Variants in WDR70 observed in about 807,000 individuals in gnomAD.
WDR70 encodes the protein WD repeat-containing protein 70.
In WDR70, 53 loss-of-function variants were observed where a neutral mutation model predicts 88.6. That is an observed-to-expected ratio of 0.60 (90% CI 0.48 to 0.75). WDR70 has a LOEUF of 0.75. Ranked by LOEUF, WDR70 falls within the 30% of genes least tolerant of loss-of-function variation. The pLI, the probability that WDR70 is intolerant of heterozygous loss-of-function variation, is 0.00. For missense variants in WDR70, 610 were observed against 823.2 expected, an observed-to-expected ratio of 0.74 and a Z score of 3.17; for synonymous variants, 280 against 270.0, an observed-to-expected ratio of 1.04 and a Z score of -0.36.
Position 37,415,538 on chromosome 5 carries a change from G to T in WDR70, c.492+18968G>T, listed in dbSNP as rs576885590. Among the ~76,000 whole-genome samples, 299 of 93,172 alleles carry T rather than the reference G, an allele frequency of 3.2e-3. 82 individuals are homozygous for T. In the East Asian group the frequency reaches 0.095, roughly 30 times the overall value. 61.1% of individuals were successfully genotyped at this position (93,172 alleles called of 152,430 possible). On this transcript the variant is annotated intron_variant, in intron 5 of 17. Coordinates refer to ENST00000265107, the MANE Select transcript of WDR70 (RefSeq NM_018034.4). ...ACCCCCCCACCTCACCTCCCTCCCG[G>T]GTGGGGCGGCTGGCCGGGCAGGGGG... is the stretch of plus-strand genomic sequence containing the variant.
rs557829068 is a variant in WDR70 at position 37,752,811 on chromosome 5, A to T, written c.*238A>T. Reference sequence around the variant, plus strand: ...GAAACAGATTCTTAGTCTATTACCAAGTACTTTAGGTATTTGGAAACTTTA... The same window carrying T: ...GAAACAGATTCTTAGTCTATTACCATGTACTTTAGGTATTTGGAAACTTTA... On this transcript the variant is annotated 3_prime_UTR_variant, in exon 18 of 18. Coordinates refer to ENST00000265107, the MANE Select transcript of WDR70 (RefSeq NM_018034.4). 10 of 390,124 alleles carry T rather than the reference A, an allele frequency of 2.6e-5. No individual in the cohort carries two copies. The East Asian group carries it at 5.0e-4, about 20-fold the overall frequency. 24.2% of individuals were successfully genotyped at this position (390,124 alleles called of 1,614,324 possible). A position where few individuals can be genotyped will look rare whatever the true frequency, so the allele number is the denominator to read the frequency against.
chr5:37,686,635 G>A (rs963584305), intron 10 of WDR70, among the ~76,000 whole-genome samples: 1 of 152,094 alleles, frequency 6.6e-6, no homozygotes. Context: ...TACTTGGGAG[G>A]CTGAGGCAGG....
Position 37,648,945 on chromosome 5 carries a change from TCA to T in WDR70, c.1092+43709_1092+43710del, listed in dbSNP as rs542068651. Among the ~76,000 whole-genome samples, 42 of 152,350 alleles carry T rather than the reference TCA, an allele frequency of 2.8e-4. 1 individual carries two copies. The highest frequency in any genetic ancestry group is 1.0e-3 in the African/African-American group (42 of 41,588). On this transcript the variant is annotated intron_variant, in intron 10 of 17. Transcript: ENST00000265107. The stretch of plus-strand genomic sequence containing the variant: ...TTCATTAATAACATTGTCAATGGAC[TCA>T]CTGATTTTCAAAATGATCTTTAGAA...
At chr5:37,660,136 A>C (rs934943301) in intron 10 of WDR70, among the ~76,000 whole-genome samples, 1 of 152,146 alleles carries the variant, frequency 6.6e-6, no homozygotes, top group Non-Finnish European at 1.5e-5. Context: ...ATCAATTGCT[A>C]ATTGAGTTCT....
intron 7 of WDR70, among the ~76,000 whole-genome samples, chr5:37,448,716 C>G (rs1327409116): frequency 7.1e-6 from 1 of 140,668 alleles, no homozygotes; most frequent in Non-Finnish European, 1.5e-5. Flanking sequence ...TGATGAATCT[C>G]CAAACGTTAT....
intron 10 of WDR70, among the ~76,000 whole-genome samples, chr5:37,660,107 A>G (rs1039322478): frequency 6.6e-6 from 1 of 152,154 alleles, no homozygotes. Flanking sequence ...ATTGTTAATT[A>G]ATCTGTTAAT....
At chr5:37,569,520 T>A (rs1279281151) in intron 9 of WDR70, among the ~76,000 whole-genome samples, 1 of 152,208 alleles carries the variant, frequency 6.6e-6, no homozygotes, top group Admixed American at 6.5e-5. Flanking sequence ...GTTCTATTGA[T>A]CTTATTAAAA....
At chr5:37,635,870 G>C (rs1207215237) in intron 10 of WDR70, among the ~76,000 whole-genome samples, 1 of 152,094 alleles carries the variant, frequency 6.6e-6, no homozygotes, top group Non-Finnish European at 1.5e-5. Context: ...TCCTCATGCT[G>C]TTCCTGTGAT....
chr5:37,424,224 T>C (rs1209722257), intron 5 of WDR70, among the ~76,000 whole-genome samples: 2 of 150,608 alleles, frequency 1.3e-5, no homozygotes, highest in Non-Finnish European at 3.0e-5. Context: ...CTTGTGTGTT[T>C]TTGGAATTAA....
intron 7 of WDR70, among the ~76,000 whole-genome samples, chr5:37,463,100 C>T (rs1306815886): frequency 3.9e-5 from 6 of 152,018 alleles, no homozygotes; most frequent in South Asian, 2.1e-4. Context: ...GGCGAAACCC[C>T]GTCTCTACTA....
intron 17 of WDR70, among the ~76,000 whole-genome samples, chr5:37,741,826 A>G (rs530416099): frequency 6.6e-6 from 1 of 152,224 alleles, no homozygotes; most frequent in East Asian, 1.9e-4. Flanking sequence ...GGATTTGACT[A>G]CTGTAGGTAC....
At chr5:37,494,474 G>A (rs919240727) in intron 8 of WDR70, among the ~76,000 whole-genome samples, 4 of 152,138 alleles carry the variant, frequency 2.6e-5, no homozygotes, top group African/African-American at 7.2e-5. Context: ...AACGGGGGAG[G>A]TTATTTTGGA....
At position 37,525,665 on chromosome 5, in the gene WDR70, C is replaced by T. The variant is rs1741243853; in HGVS notation, c.917+9075C>T. Among the ~76,000 whole-genome samples, 3 of 152,212 alleles carry T rather than the reference C, an allele frequency of 2.0e-5. No individual in the cohort carries two copies. In the East Asian group the frequency reaches 5.8e-4, roughly 29 times the overall value. On this transcript the variant is annotated intron_variant, in intron 9 of 17. Coordinates refer to ENST00000265107, the MANE Select transcript of WDR70 (RefSeq NM_018034.4). ...CTGAAGGAAATAGAGACACAAAAAACCCTTCAAAAAATCAGTGAATCCAGG... is the reference window on the plus strand; with the variant it reads ...CTGAAGGAAATAGAGACACAAAAAATCCTTCAAAAAATCAGTGAATCCAGG...
At chr5:37,751,670 G>A (rs1318984832) in intron 17 of WDR70, among the ~76,000 whole-genome samples, 1 of 152,218 alleles carries the variant, frequency 6.6e-6, no homozygotes, top group African/African-American at 2.4e-5. Flanking sequence ...CTGCAGATGT[G>A]CTTTAATGTT....
At chr5:37,540,610 G>C (rs1323709757) in intron 9 of WDR70, among the ~76,000 whole-genome samples, 1 of 152,180 alleles carries the variant, frequency 6.6e-6, no homozygotes, top group East Asian at 1.9e-4. Flanking sequence ...TTGATCTCTT[G>C]ACCTCGTGAT....
intron 5 of WDR70, among the ~76,000 whole-genome samples, chr5:37,432,687 C>T (rs1026274430): frequency 7.9e-5 from 12 of 151,340 alleles, no homozygotes; most frequent in East Asian, 1.9e-4. Context: ...TGAGCCACCG[C>T]GCCCGGCCTT....
At chr5:37,602,601 G>A (rs1743918992) in intron 9 of WDR70, among the ~76,000 whole-genome samples, 1 of 151,712 alleles carries the variant, frequency 6.6e-6, no homozygotes, top group Admixed American at 6.6e-5. Context: ...ACTCCAGCTT[G>A]GGTGAGAGAG....
chr5:37,429,826 C>CT (rs1165577769), intron 5 of WDR70, among the ~76,000 whole-genome samples: 3 of 152,158 alleles, frequency 2.0e-5, no homozygotes, highest in African/African-American at 7.2e-5. Context: ...TTTGGTTACT[C>CT]TGAGTCTTCA....
intron 10 of WDR70, among the ~76,000 whole-genome samples, chr5:37,684,041 T>C (rs930584644): frequency 2.0e-5 from 3 of 152,232 alleles, no homozygotes; most frequent in Non-Finnish European, 4.4e-5. Context: ...AGATGCTCCT[T>C]TTCATTCTTT....
Sources: allele counts gnomAD v4.1 joint callset (sites outside exome capture counted in the v4.1 genomes callset), GRCh38; gene constraint gnomAD v4.1.1; transcripts MANE v1.5; gene names NCBI Gene and HGNC (gene_info 2026-07-23, HGNC 2026-07-21).